CEP83: variants seen among roughly 807,000 people sequenced by gnomAD.
The protein encoded by CEP83 is centrosomal protein 83.
CEP83 carries 70 observed loss-of-function variants against 101.9 expected under a neutral mutation model. That is an observed-to-expected ratio of 0.69 (90% CI 0.57 to 0.84). CEP83 has a LOEUF of 0.84. CEP83 is among the 40% of genes least tolerant of loss of function. CEP83 has a pLI of 0.00. For synonymous variants in CEP83, 264 were observed against 267.9 expected (o/e 0.99, Z 0.14); for missense variants, 715 against 787.2 (o/e 0.91, Z 1.10).
At chr12:94,395,180 T>C (rs903735757) in intron 6 of CEP83, among the ~76,000 whole-genome samples, 2 of 151,506 alleles carry the variant, frequency 1.3e-5, no homozygotes, top group Non-Finnish European at 2.9e-5. Flanking sequence ...CACTGGGGCC[T>C]GTCAGGGGGT....
intron 1 of CEP83, among the ~76,000 whole-genome samples, chr12:94,454,780 G>A (rs1410817131): frequency 6.6e-6 from 1 of 152,020 alleles, no homozygotes; most frequent in African/African-American, 2.4e-5. Context: ...CCACCGGGAG[G>A]AATGAACAAT....
At chr12:94,403,107 G>T in intron 5 of CEP83, 63 bp downstream of exon 5, 1 of 861,802 alleles carries the variant, frequency 1.2e-6, no homozygotes, top group Non-Finnish European at 1.9e-6. Flanking sequence ...GGGGAATGAT[G>T]CTTTTCATCA....
intron 7 of CEP83, among the ~76,000 whole-genome samples, chr12:94,377,061 A>AC (rs906994672): frequency 6.6e-6 from 1 of 152,058 alleles, no homozygotes; most frequent in African/African-American, 2.4e-5. Context: ...TAAAATGAAG[A>AC]CATTTTGGCA....
At chr12:94,310,989 AG>A (rs1462632868) in intron 15 of CEP83, among the ~76,000 whole-genome samples, 1 of 152,166 alleles carries the variant, frequency 6.6e-6, no homozygotes, top group Admixed American at 6.5e-5. Context: ...GCAGGTCACC[AG>A]AAAGACTGAG....
the CEP83 span, among the ~76,000 whole-genome samples, chr12:94,281,152 A>G: frequency 1.3e-5 from 2 of 152,102 alleles, no homozygotes; most frequent in Admixed American, 6.6e-5. Flanking sequence ...GGTGGTGCAC[A>G]CCTGTGGTCC....
the CEP83 span, among the ~76,000 whole-genome samples, chr12:94,290,307 G>A: frequency 6.6e-6 from 1 of 151,638 alleles, no homozygotes; most frequent in Admixed American, 6.5e-5. Flanking sequence ...GTATTGCTAA[G>A]GGGGTGCCTG....
At chr12:94,278,192 C>T in the CEP83 span, 1 of 370,410 alleles carries the variant, frequency 2.7e-6, no homozygotes, top group Admixed American at 3.4e-5. Flanking sequence ...TTTTACATTC[C>T]CTCGTTAAGC....
chr12:94,303,429 A>C (rs1323097453), downstream of CEP83, among the ~76,000 whole-genome samples: 1 of 152,224 alleles, frequency 6.6e-6, no homozygotes, highest in Non-Finnish European at 1.5e-5. Flanking sequence ...ATTAGTAATG[A>C]ACTATGATTG....
chr12:94,339,933 A>T (rs2059608019), intron 11 of CEP83, among the ~76,000 whole-genome samples: 1 of 152,238 alleles, frequency 6.6e-6, no homozygotes, highest in African/African-American at 2.4e-5. Flanking sequence ...ATATCCTTTC[A>T]TCCCTTACTT....
rs746468860 is a variant in CEP83 at position 94,335,622 on chromosome 12, C to G, written c.1386G>C (p.Glu462Asp). ...QQQIVTIENAEKEKNENSDLK... is the reference protein window; with the variant it reads ...QQQIVTIENADKEKNENSDLK... The stretch of plus-strand genomic sequence containing the variant: ...GGTCAGAATTTTCATTTTTTTCCTT[C>G]TCTGCATTTTCAATAGTCACAATTT... Residue 462 changes from glutamate (E) to aspartate (D), a missense_variant, in exon 12 of 17, where the codon GAG becomes GAC. Transcript: ENST00000397809. 1 of 1,585,474 alleles carries G rather than the reference C, an allele frequency of 6.3e-7. No individual in the cohort carries two copies. The highest frequency in any genetic ancestry group is 1.8e-5 in the Admixed American group (1 of 55,592).
rs767774560 is a variant in CEP83 at position 94,308,893 on chromosome 12, A to G, written c.2026T>C (p.Ser676Pro). The G allele has an allele frequency of 1.9e-6, 3 of 1,611,954 alleles. No individual in the cohort carries two copies. In the Admixed American group the frequency reaches 5.0e-5, roughly 27 times the overall value. ...TCTTCTAGTCTTTTGCGAAGTAGAG[A>G]GAGTTCCCTTTGATGTTGTTCCTCC... ...MQEEQHQREL[S>P]LLRKRLEELE... Residue 676 changes from serine (S) to proline (P), a missense_variant, in exon 17 of 17, where the codon TCT (serine) becomes CCT (proline). Coordinates refer to ENST00000397809, the MANE Select transcript of CEP83 (RefSeq NM_016122.3).
Position 94,343,531 on chromosome 12 carries a change from G to A in CEP83, c.1344-7867C>T, listed in dbSNP as rs1593278135. On this transcript the variant is annotated intron_variant, in intron 11 of 16. Transcript: ENST00000397809. ...GGAGTCTCGCTCTGTCGCCCAGGCCGGACTGCGGACTGCAGTGGCGCAATC... is the reference window on the plus strand; with the variant it reads ...GGAGTCTCGCTCTGTCGCCCAGGCCAGACTGCGGACTGCAGTGGCGCAATC... Among the ~76,000 whole-genome samples the A allele has an allele frequency of 4.7e-5, 6 of 126,974 alleles. No homozygotes were observed. The East Asian group carries it at 9.7e-4, about 21-fold the overall frequency. The allele number at this position is 126,974 out of a possible 152,430, so 83.3% of individuals were successfully genotyped here.
At chr12:94,386,291 C>T (rs541313475) in intron 6 of CEP83, among the ~76,000 whole-genome samples, 18 of 152,280 alleles carry the variant, frequency 1.2e-4, no homozygotes, top group South Asian at 4.1e-4. Flanking sequence ...CTCTGTCTAA[C>T]GGAAAAATAA....
intron 14 of CEP83, among the ~76,000 whole-genome samples, chr12:94,331,289 G>GAAAAAAA (rs568464808): frequency 6.8e-5 from 3 of 43,824 alleles, no homozygotes; most frequent in African/African-American, 1.3e-4. Flanking sequence ...CAGACTCTCA[G>GAAAAAAA]AAAAAAAAAA....
chr12:94,431,730 C>T (rs1050089550), intron 2 of CEP83, among the ~76,000 whole-genome samples: 3 of 152,112 alleles, frequency 2.0e-5, no homozygotes, highest in Non-Finnish European at 2.9e-5. Context: ...ATCAAAACCA[C>T]AGCAACATAT....
chr12:94,306,577 C>G (rs775748141), downstream of CEP83: 29 of 152,158 alleles, frequency 1.9e-4, no homozygotes, highest in Non-Finnish European at 3.1e-4. Flanking sequence ...AACTCTTGAG[C>G]TTTTCTTGTG....
At chr12:94,393,524 G>C (rs958499696) in intron 6 of CEP83, among the ~76,000 whole-genome samples, 1 of 152,170 alleles carries the variant, frequency 6.6e-6, no homozygotes, top group Non-Finnish European at 1.5e-5. Flanking sequence ...ATATCATACT[G>C]AATGGGCAAA....
intron 8 of CEP83, among the ~76,000 whole-genome samples, chr12:94,373,252 C>T (rs2061382631): frequency 6.6e-6 from 1 of 152,054 alleles, no homozygotes; most frequent in South Asian, 2.1e-4. Context: ...TAGATTCTGG[C>T]CTTTATGTTG....
At chr12:94,454,080 A>G (rs547349319) in intron 1 of CEP83, among the ~76,000 whole-genome samples, 2 of 150,820 alleles carry the variant, frequency 1.3e-5, no homozygotes, top group Non-Finnish European at 3.0e-5. Flanking sequence ...CTGCTGACAG[A>G]GTAAGACTAT....
Sources: allele counts gnomAD v4.1 joint callset (sites outside exome capture counted in the v4.1 genomes callset), GRCh38; gene constraint gnomAD v4.1.1; transcripts MANE v1.5; gene names NCBI Gene and HGNC (gene_info 2026-07-23, HGNC 2026-07-21).